NRXN3: variants seen among roughly 807,000 people sequenced by gnomAD.
NRXN3 encodes the protein neurexin 3, also known as neurexin III.
A neutral mutation model predicts 137.6 loss-of-function variants in NRXN3; 32 were observed. That is an observed-to-expected ratio of 0.23 (90% CI 0.18 to 0.31). NRXN3 has a LOEUF of 0.31. Among genes scored for constraint, NRXN3 ranks in the 10% least tolerant of loss-of-function variants. The pLI is 1.00. For missense variants in NRXN3, 1,574 were observed against 2,062.5 expected (o/e 0.76, Z 4.59); for synonymous variants, 798 against 784.5 (o/e 1.02, Z -0.29).
rs947677737 is a variant in NRXN3, at chr14:79,863,169, A to G, written c.*1205A>G. On this transcript the variant is annotated 3_prime_UTR_variant, in exon 21 of 21. Transcript: ENST00000335750. ...CGCCCCGAATGTGACAATGGTTTTC[A>G]TAGTGGTTTAATTTTGTAGCCTGAC... is the stretch of plus-strand genomic sequence containing the variant. 1 of 152,706 alleles carries G rather than the reference A, an allele frequency of 6.5e-6. No individual in the cohort carries two copies. The highest frequency in any genetic ancestry group is 2.1e-4 in the South Asian group (1 of 4,820). The allele number at this position is 152,706 out of a possible 1,614,324, so 9.5% of individuals were successfully genotyped here. A position where few individuals can be genotyped will look rare whatever the true frequency, so the allele number is the denominator to read the frequency against.
At chr14:79,031,134 T>C (rs1351155594) in intron 15 of NRXN3, among the ~76,000 whole-genome samples, 1 of 152,138 alleles carries the variant, frequency 6.6e-6, no homozygotes, top group Non-Finnish European at 1.5e-5. Context: ...ATGGAAACCT[T>C]TTACTTCTGT....
At chr14:79,308,674 T>C (rs995031086) in intron 15 of NRXN3, among the ~76,000 whole-genome samples, 18 of 151,970 alleles carry the variant, frequency 1.2e-4, no homozygotes, top group African/African-American at 4.3e-4. Context: ...TGTGGAATGG[T>C]CTGAGAACCA....
intron 15 of NRXN3, among the ~76,000 whole-genome samples, chr14:79,252,421 CT>C (rs1458591249): frequency 3.9e-5 from 6 of 152,272 alleles, no homozygotes; most frequent in African/African-American, 1.2e-4. Flanking sequence ...GAGTTTTCCT[CT>C]TCTTATTTCT....
intron 16 of NRXN3, among the ~76,000 whole-genome samples, chr14:79,525,850 G>T (rs1203773811): frequency 6.6e-6 from 1 of 152,170 alleles, no homozygotes; most frequent in African/African-American, 2.4e-5. Flanking sequence ...TTGGGGCAGG[G>T]AATTGTGCAG....
At chr14:79,146,495 T>C (rs1466412884) in intron 15 of NRXN3, among the ~76,000 whole-genome samples, 1 of 152,016 alleles carries the variant, frequency 6.6e-6, no homozygotes, top group East Asian at 1.9e-4. Flanking sequence ...TCTGATAAGA[T>C]AGCATGGAAG....
intron 8 of NRXN3, among the ~76,000 whole-genome samples, chr14:78,769,575 T>A (rs1263258793): frequency 1.3e-5 from 2 of 152,214 alleles, no homozygotes; most frequent in African/African-American, 4.8e-5. Flanking sequence ...TCCTAGTTGC[T>A]CTTTAGGAGC....
At chr14:79,011,178 A>T (rs1166858079) in intron 15 of NRXN3, among the ~76,000 whole-genome samples, 1 of 152,162 alleles carries the variant, frequency 6.6e-6, no homozygotes, top group Non-Finnish European at 1.5e-5. Context: ...GTACGTCTGA[A>T]ATTAATTTTT....
intron 15 of NRXN3, among the ~76,000 whole-genome samples, chr14:78,992,976 T>G (rs573878330): frequency 6.6e-6 from 1 of 152,210 alleles, no homozygotes; most frequent in Non-Finnish European, 1.5e-5. Context: ...CACCCTGTGC[T>G]ACATTGCTGG....
At chr14:78,619,750 C>A (rs149766457) in intron 4 of NRXN3, among the ~76,000 whole-genome samples, 5 of 152,160 alleles carry the variant, frequency 3.3e-5, no homozygotes, top group East Asian at 1.9e-4. Context: ...TGAGGTTTCC[C>A]AAGCCATGCT....
chr14:79,330,918 T>C (rs1182842004), intron 15 of NRXN3, among the ~76,000 whole-genome samples: 1 of 125,494 alleles, frequency 8.0e-6, no homozygotes, highest in African/African-American at 3.0e-5. Flanking sequence ...ATCTTCATCT[T>C]TGAGTCAAAT....
intron 19 of NRXN3, among the ~76,000 whole-genome samples, chr14:79,774,441 C>T (rs763148586): frequency 6.6e-6 from 1 of 152,110 alleles, no homozygotes; most frequent in African/African-American, 2.4e-5. Context: ...AAGTACTTTA[C>T]GGCTTTGTGT....
intron 4 of NRXN3, among the ~76,000 whole-genome samples, chr14:78,419,961 G>GCACA (rs1256574515): frequency 0.012 from 605 of 49,234 alleles, 6 homozygotes; most frequent in African/African-American, 0.025. Context: ...GCGCGCGCAC[G>GCACA]CACACACACA....
At chr14:78,602,804 G>A (rs1452299115) in intron 4 of NRXN3, among the ~76,000 whole-genome samples, 1 of 152,146 alleles carries the variant, frequency 6.6e-6, no homozygotes, top group African/African-American at 2.4e-5. Context: ...AGATAACTTG[G>A]GGAAAGCTGT....
intron 16 of NRXN3, among the ~76,000 whole-genome samples, chr14:79,597,833 T>C (rs937818974): frequency 6.6e-6 from 1 of 152,156 alleles, no homozygotes; most frequent in Non-Finnish European, 1.5e-5. Context: ...CCAGACATGG[T>C]GTTTGCAGTC....
intron 4 of NRXN3, among the ~76,000 whole-genome samples, chr14:78,419,961 G>GCGCGCACACACACACA (rs1555518606): frequency 0.049 from 2,430 of 49,146 alleles, 55 homozygotes; most frequent in African/African-American, 0.1. Context: ...GCGCGCGCAC[G>GCGCGCACACACACACA]CACACACACA....
chr14:78,518,424 G>A (rs2096242363), intron 4 of NRXN3, among the ~76,000 whole-genome samples: 1 of 152,200 alleles, frequency 6.6e-6, no homozygotes, highest in Non-Finnish European at 1.5e-5. Context: ...GGAGCTAGAG[G>A]TGATCAGAAA....
intron 15 of NRXN3, among the ~76,000 whole-genome samples, chr14:79,205,889 T>C (rs2066714178): frequency 6.6e-6 from 1 of 152,184 alleles, no homozygotes; most frequent in African/African-American, 2.4e-5. Flanking sequence ...ACACAGTGTT[T>C]AAAAGAATCA....
chr14:78,429,371 G>A (rs757192318), intron 4 of NRXN3, among the ~76,000 whole-genome samples: 1 of 152,126 alleles, frequency 6.6e-6, no homozygotes, highest in South Asian at 2.1e-4. Context: ...GAGCCACCAC[G>A]CCCAGTCAGT....
At position 78,494,470 on chromosome 14, in the gene NRXN3, G is replaced by A. The variant is rs141878917; in HGVS notation, c.758-150650G>A. Among the ~76,000 whole-genome samples the A allele has an allele frequency of 3.5e-3, 486 of 137,924 alleles. 3 individuals are homozygous for A. Among genetic ancestry groups the A allele is most frequent in the African/African-American group, 0.012 (459 of 39,206 alleles). 90.5% of individuals were successfully genotyped at this position (137,924 alleles called of 152,430 possible). The stretch of plus-strand genomic sequence containing the variant: ...TTCCTTTTTCAAACTTGATAAGGGA[G>A]TAGGCAAAAAATGTCTGAGTCACCA... On this transcript the variant is annotated intron_variant, in intron 4 of 20. Coordinates refer to ENST00000335750, the MANE Select transcript of NRXN3 (RefSeq NM_001330195.2).
Sources: allele counts gnomAD v4.1 joint callset (sites outside exome capture counted in the v4.1 genomes callset), GRCh38; gene constraint gnomAD v4.1.1; transcripts MANE v1.5; gene names NCBI Gene and HGNC (gene_info 2026-07-23, HGNC 2026-07-21).